C12orf42: variants seen among roughly 807,000 people sequenced by gnomAD.
C12orf42 encodes uncharacterized protein C12orf42.
In C12orf42, 25 loss-of-function variants were observed where a neutral mutation model predicts 21.6. The observed-to-expected ratio is 1.16, with a 90% CI of 0.84 to 1.62. The LOEUF is 1.62. Ranked by LOEUF, C12orf42 falls within the 40% of genes most tolerant of loss-of-function variation. The probability of loss-of-function intolerance (pLI) is 0.00; values close to 1 mark genes in which losing one functional copy is unlikely to be tolerated. For synonymous variants in C12orf42, 174 were observed against 175.0 expected (o/e 0.99, Z 0.05); for missense variants, 483 against 459.3 (o/e 1.05, Z -0.47).
chr12:103,124,069 T>G, the C12orf42 span, among the ~76,000 whole-genome samples: 1 of 151,846 alleles, frequency 6.6e-6, no homozygotes, highest in Non-Finnish European at 1.5e-5. Context: ...AAGAAGACTC[T>G]GTATCAAGAA....
At chr12:103,517,443 G>A in the C12orf42 span, among the ~76,000 whole-genome samples, 1 of 152,176 alleles carries the variant, frequency 6.6e-6, no homozygotes, top group Non-Finnish European at 1.5e-5. Flanking sequence ...AATAGTAAAG[G>A]CCTTTGAAAT....
In C12orf42 at chr12:103,306,226, A is replaced by G. The variant is rs58399247; in HGVS notation, c.379T>C (p.Phe127Leu). 2,649 of 1,613,970 alleles carry G rather than the reference A, an allele frequency of 1.6e-3. 31 individuals are homozygous for G. The African/African-American group carries it at 0.032, about 19-fold the overall frequency. The change falls in exon 5 of 6, where the codon TTC becomes CTC. Residue 127 changes from phenylalanine (F) to leucine (L), a missense_variant. Phe to Leu is a conservative substitution (Grantham distance 22). Coordinates refer to ENST00000548883, the MANE Select transcript of C12orf42 (RefSeq NM_198521.5). ...CTGGATGGTGCTGGAGAGGAACGGA[A>G]TTCTTCATAGCTTTCTTCATCAAAA... ...VSFDEESYEEFRSSPAPSSET... is the reference protein window; with the variant it reads ...VSFDEESYEELRSSPAPSSET...
At chr12:103,113,153 G>A in the C12orf42 span, among the ~76,000 whole-genome samples, 1 of 151,884 alleles carries the variant, frequency 6.6e-6, no homozygotes, top group Admixed American at 6.6e-5. Context: ...TTTGTTCAGT[G>A]CTTTTTATTT....
the C12orf42 span, among the ~76,000 whole-genome samples, chr12:103,111,577 C>T: frequency 6.6e-6 from 1 of 152,056 alleles, no homozygotes; most frequent in East Asian, 1.9e-4. Flanking sequence ...TAAAGATGGC[C>T]CTTGAGAAAT....
the C12orf42 span, among the ~76,000 whole-genome samples, chr12:103,110,268 G>C: frequency 1.3e-5 from 2 of 152,298 alleles, no homozygotes; most frequent in Middle Eastern, 3.4e-3. Flanking sequence ...AGAAAAACTT[G>C]TCTAATGAAC....
At chr12:103,419,504 C>T (rs2049673282) in intron 2 of C12orf42, among the ~76,000 whole-genome samples, 1 of 151,924 alleles carries the variant, frequency 6.6e-6, no homozygotes, top group Non-Finnish European at 1.5e-5. Context: ...CCTTCACCTC[C>T]CCAGGGCTCC....
chr12:103,169,775 AT>A, the C12orf42 span, among the ~76,000 whole-genome samples: 3 of 109,924 alleles, frequency 2.7e-5, no homozygotes, highest in Admixed American at 9.2e-5. Flanking sequence ...AATAAAAAGG[AT>A]AAAATAAAAA....
At chr12:103,115,949 T>A in the C12orf42 span, among the ~76,000 whole-genome samples, 1 of 152,182 alleles carries the variant, frequency 6.6e-6, no homozygotes, top group Non-Finnish European at 1.5e-5. Flanking sequence ...AGAACATTTG[T>A]GAAACAATGG....
chr12:103,082,474 C>T, the C12orf42 span, among the ~76,000 whole-genome samples: 1 of 152,184 alleles, frequency 6.6e-6, no homozygotes, highest in East Asian at 1.9e-4. Context: ...GTAGTTTCTT[C>T]TATCATTTTA....
chr12:103,151,021 A>G, the C12orf42 span, among the ~76,000 whole-genome samples: 59 of 152,198 alleles, frequency 3.9e-4, no homozygotes, highest in East Asian at 0.01. Flanking sequence ...TTCACCTCCC[A>G]GGTTCAAGCG....
chr12:103,513,660 A>G, the C12orf42 span, among the ~76,000 whole-genome samples: 1 of 152,232 alleles, frequency 6.6e-6, no homozygotes, highest in Non-Finnish European at 1.5e-5. Context: ...TAACTGGGGA[A>G]AAAAAGTTAA....
chr12:103,072,091 T>C, the C12orf42 span, among the ~76,000 whole-genome samples: 6 of 152,126 alleles, frequency 3.9e-5, no homozygotes, highest in African/African-American at 1.4e-4. Context: ...CTAAATTCCT[T>C]TTATTTCCCA....
At chr12:103,203,633 C>T in the C12orf42 span, among the ~76,000 whole-genome samples, 1 of 152,152 alleles carries the variant, frequency 6.6e-6, no homozygotes, top group Admixed American at 6.5e-5. Flanking sequence ...TAAGACATCA[C>T]TAATAGGAAT....
At chr12:103,315,578 G>A (rs1273586885) in intron 4 of C12orf42, among the ~76,000 whole-genome samples, 1 of 152,124 alleles carries the variant, frequency 6.6e-6, no homozygotes, top group Non-Finnish European at 1.5e-5. Flanking sequence ...TTTCCAAGGT[G>A]CAGCATATAC....
chr12:103,068,950 T>C, the C12orf42 span, among the ~76,000 whole-genome samples: 5 of 70,200 alleles, frequency 7.1e-5, no homozygotes, highest in Non-Finnish European at 1.1e-4. Flanking sequence ...TATATATATA[T>C]ATATATATAT....
chr12:103,416,249 A>C (rs1297329603), intron 2 of C12orf42, among the ~76,000 whole-genome samples: 3 of 150,958 alleles, frequency 2.0e-5, no homozygotes, highest in Non-Finnish European at 4.4e-5. Context: ...AAGGGTTGTG[A>C]CTCCCAGTTT....
the C12orf42 span, among the ~76,000 whole-genome samples, chr12:103,157,535 T>C: frequency 1.1e-4 from 16 of 152,326 alleles, no homozygotes; most frequent in East Asian, 7.7e-4. Context: ...AGTCATGAAG[T>C]CTTTGCCCAT....
the C12orf42 span, among the ~76,000 whole-genome samples, chr12:103,231,636 G>T: frequency 1.3e-5 from 2 of 152,054 alleles, no homozygotes; most frequent in African/African-American, 4.8e-5. Context: ...TGATGGCTTG[G>T]TAGCTCACAT....
chr12:103,106,540 G>GT, the C12orf42 span, among the ~76,000 whole-genome samples: 4 of 151,856 alleles, frequency 2.6e-5, no homozygotes, highest in African/African-American at 9.7e-5. Context: ...AGTGATCTAA[G>GT]TTTTTTGTTT....
Sources: allele counts gnomAD v4.1 joint callset (sites outside exome capture counted in the v4.1 genomes callset), GRCh38; gene constraint gnomAD v4.1.1; transcripts MANE v1.5; gene names NCBI Gene and HGNC (gene_info 2026-07-23, HGNC 2026-07-21).